CCDC43: variants seen among roughly 807,000 people sequenced by gnomAD.
The protein encoded by CCDC43 is coiled-coil domain-containing protein 43.
A neutral mutation model predicts 33.3 loss-of-function variants in CCDC43; 20 were observed. The ratio of observed to expected loss-of-function variants is 0.60; its 90% CI spans 0.42 to 0.87. CCDC43 has a LOEUF of 0.87. Ranked by LOEUF, CCDC43 falls within the 40% of genes least tolerant of loss-of-function variation. The pLI is 0.00. For missense variants in CCDC43, 248 were observed against 269.9 expected (o/e 0.92, Z 0.57); for synonymous variants, 104 against 106.5 (o/e 0.98, Z 0.14).
intron 1 of CCDC43, chr17:44,688,330 T>G (rs943885217): frequency 1.3e-5 from 2 of 152,126 alleles, no homozygotes; most frequent in African/African-American, 4.8e-5. Context: ...TTTTAAATTT[T>G]TTTGTAGAGA....
chr17:44,680,711 G>A, intron 3 of CCDC43, 68 bp from the exon 4 acceptor site: 1 of 1,189,226 alleles, frequency 8.4e-7, no homozygotes, highest in Non-Finnish European at 1.3e-6. Context: ...ACATTCAATA[G>A]ACTGGTAAGT....
chr17:44,679,120 C>A, intron 4 of CCDC43, 77 bp from the exon 5 acceptor site: 1 of 1,124,432 alleles, frequency 8.9e-7, no homozygotes, highest in South Asian at 1.7e-5. Context: ...TCTACTTATC[C>A]TCTCTCCACC....
At position 44,678,290 on chromosome 17, in the gene CCDC43, CA is replaced by C. The variant is rs200792287; in HGVS notation, c.*565del. On this transcript the variant is annotated 3_prime_UTR_variant, in exon 5 of 5. Coordinates refer to ENST00000315286, the MANE Select transcript of CCDC43 (RefSeq NM_144609.3). ...TTTTCCTCCCACAGGCTGAAACTTT[CA>C]AAAAAAAAAAAAAAATCAGATCTAG... 12,823 of 123,346 alleles carry C rather than the reference CA, an allele frequency of 0.1. 550 individuals are homozygous for C. The highest frequency in any genetic ancestry group is 0.17 in the East Asian group (733 of 4,378). The allele number at this position is 123,346 out of a possible 1,614,324, so 7.6% of individuals were successfully genotyped here.
intron 3 of CCDC43, 102 bp downstream of exon 3, chr17:44,681,901 A>G: frequency 7.2e-7 from 1 of 1,396,542 alleles, no homozygotes; most frequent in South Asian, 1.3e-5. Flanking sequence ...GGGAAAATTA[A>G]GCTATAGAGG....
At chr17:44,688,550 G>A (rs1231929930) in intron 1 of CCDC43, among the ~76,000 whole-genome samples, 1 of 152,170 alleles carries the variant, frequency 6.6e-6, no homozygotes, top group African/African-American at 2.4e-5. Flanking sequence ...ATAAATGCCA[G>A]AGGATAAAGC....
At chr17:44,685,938 G>A (rs1972228510) in intron 1 of CCDC43, among the ~76,000 whole-genome samples, 1 of 151,966 alleles carries the variant, frequency 6.6e-6, no homozygotes, top group Admixed American at 6.6e-5. Flanking sequence ...TTTTGAGACG[G>A]AGTCTCGCTC....
rs1972295381 is a variant in CCDC43 at position 44,689,648 on chromosome 17, C to A, written c.106G>T (p.Asp36Tyr). The A allele has an allele frequency of 6.2e-7, 1 of 1,613,734 alleles. No homozygotes were observed. The highest frequency in any genetic ancestry group is 8.5e-7 in the Non-Finnish European group (1 of 1,179,842). Reference protein sequence around the residue: ...LDGRLEALGVDRAVYGAYILG... With the variant: ...LDGRLEALGVYRAVYGAYILG... ...ATGTAGGCTCCATAAACGGCTCGGT[C>A]CACTCCCAGTGCCTCCAACCGTCCG... The change falls in exon 1 of 5, where the codon GAC (aspartate) becomes TAC (tyrosine). Residue 36 changes from aspartate (D) to tyrosine (Y), a missense_variant. By Grantham distance (160) the Asp-to-Tyr change is radical. Transcript: ENST00000315286.
intron 4 of CCDC43, among the ~76,000 whole-genome samples, chr17:44,679,454 A>G (rs1413383432): frequency 6.6e-6 from 1 of 152,240 alleles, no homozygotes; most frequent in African/African-American, 2.4e-5. Flanking sequence ...ATGTTTATGT[A>G]CTTGGCTCTG....
At chr17:44,681,850 C>T (rs948018333) in intron 3 of CCDC43, 153 bp downstream of exon 3, 75 of 806,234 alleles carry the variant, frequency 9.3e-5, no homozygotes, top group Admixed American at 7.8e-4. Flanking sequence ...AATATCACTC[C>T]GCATATCCAC....
intron 1 of CCDC43, among the ~76,000 whole-genome samples, chr17:44,686,104 G>A (rs558351209): frequency 6.6e-6 from 1 of 152,130 alleles, no homozygotes; most frequent in South Asian, 2.1e-4. Flanking sequence ...TAGTAGAGAC[G>A]GGGTTTCACC....
intron 4 of CCDC43, among the ~76,000 whole-genome samples, chr17:44,679,865 G>A (rs1251490437): frequency 1.3e-5 from 2 of 151,664 alleles, no homozygotes; most frequent in Admixed American, 1.3e-4. Context: ...CTGCACTCCA[G>A]CCTGGGCAAC....
intron 1 of CCDC43, chr17:44,687,742 C>T (rs1157320639): frequency 6.6e-6 from 1 of 152,194 alleles, no homozygotes. Flanking sequence ...TTAGAAACTT[C>T]CCAGCTGTAA....
intron 1 of CCDC43, among the ~76,000 whole-genome samples, 166 bp from the exon 2 acceptor site, chr17:44,684,125 T>C (rs1479504499): frequency 6.6e-6 from 1 of 152,178 alleles, no homozygotes. Flanking sequence ...GGACACAGAA[T>C]TGATCCTGCT....
intron 1 of CCDC43, chr17:44,688,286 G>A (rs370015679): frequency 6.6e-6 from 1 of 152,148 alleles, no homozygotes; most frequent in African/African-American, 2.4e-5. Context: ...GAGTAGCTGG[G>A]ACTACAGGTA....
rs566316020 is a variant in CCDC43 at position 44,678,892 on chromosome 17, T to C, written c.639A>G (p.Glu213=). 7 of 1,613,912 alleles carry C rather than the reference T, an allele frequency of 4.3e-6. No homozygotes were observed. In the South Asian group the frequency reaches 7.7e-5, roughly 18 times the overall value. ...GCTCCCCTCTCTGTGTCCTTTTTTT[T>C]TCCTTTTCCTTGCGCTCCTGCTTGG... ...KLAKQERKEK[E]KKRTQRGERK... Residue 213 remains glutamate, a synonymous_variant, in exon 5 of 5, where the codon GAA becomes GAG. Coordinates refer to ENST00000315286, the MANE Select transcript of CCDC43 (RefSeq NM_144609.3).
chr17:44,686,647 A>G (rs1310265434), intron 1 of CCDC43, among the ~76,000 whole-genome samples: 1 of 152,206 alleles, frequency 6.6e-6, no homozygotes, highest in Non-Finnish European at 1.5e-5. Flanking sequence ...TCAAGGCACT[A>G]AGAGGAAAGT....
At position 44,682,044 on chromosome 17, in the gene CCDC43, A is replaced by G; in HGVS notation, c.387T>C (p.Ala129=). Residue 129 remains alanine, a synonymous_variant, in exon 3 of 5, where the codon GCT becomes GCC. Transcript: ENST00000315286. ...MVSEEEKQRK[A]ALLAQYADVT... ...CATCAGCATACTGGGCCAGGAGGGC[A>G]GCTTTTCTCTGCTTCTCCTCTTCTG... 2 of 1,614,038 alleles carry G rather than the reference A, an allele frequency of 1.2e-6. No individual in the cohort carries two copies. Among genetic ancestry groups the G allele is most frequent in the Non-Finnish European group, 8.5e-7 (1 of 1,179,894 alleles).
intron 2 of CCDC43, among the ~76,000 whole-genome samples, chr17:44,683,615 G>A (rs573913422): frequency 6.6e-6 from 1 of 152,168 alleles, no homozygotes; most frequent in Admixed American, 6.5e-5. Flanking sequence ...AAGAAGCAGT[G>A]GAAAGATGAT....
intron 1 of CCDC43, among the ~76,000 whole-genome samples, chr17:44,687,410 T>TG (rs34498558): frequency 6.6e-6 from 1 of 151,692 alleles, no homozygotes; most frequent in African/African-American, 2.4e-5. Flanking sequence ...CACTCCAGCC[T>TG]GGGTGACAGA....
Sources: allele counts gnomAD v4.1 joint callset (sites outside exome capture counted in the v4.1 genomes callset), GRCh38; gene constraint gnomAD v4.1.1; transcripts MANE v1.5; gene names NCBI Gene and HGNC (gene_info 2026-07-23, HGNC 2026-07-21).